MRAP: variants seen among roughly 807,000 people sequenced by gnomAD.
MRAP encodes the protein melanocortin 2 receptor accessory protein, also known as melanocortin-2 receptor accessory protein.
MRAP carries 8 observed loss-of-function variants against 8.7 expected under a neutral mutation model. That is an observed-to-expected ratio of 0.92 (90% CI 0.54 to 1.66). The LOEUF is 1.66. Ranked by LOEUF, MRAP falls within the 40% of genes most tolerant of loss-of-function variation. The pLI, the probability that MRAP is intolerant of heterozygous loss-of-function variation, is 0.00. For missense variants in MRAP, 237 were observed against 217.1 expected (o/e 1.09, Z -0.58); for synonymous variants, 95 against 95.5 (o/e 1.00, Z 0.03).
At chr21:32,297,123 C>G (rs936223295), upstream of MRAP, among the ~76,000 whole-genome samples, 9 of 152,182 alleles carry the variant, frequency 5.9e-5, no homozygotes, top group East Asian at 1.9e-4. Flanking sequence ...TAGCACAGAA[C>G]TCATAAAACT....
chr21:32,312,713 C>T (rs1465284809), downstream of MRAP: 2 of 154,520 alleles, frequency 1.3e-5, no homozygotes, highest in African/African-American at 4.8e-5. Context: ...AGATCTAGTC[C>T]TCTAGTGCCC....
upstream of MRAP, among the ~76,000 whole-genome samples, chr21:32,298,388 A>G (rs1331049991): frequency 6.6e-6 from 1 of 151,994 alleles, no homozygotes; most frequent in Admixed American, 6.6e-5. Flanking sequence ...TTTTGGTTTT[A>G]ATTAACTGGC....
chr21:32,305,113 T>C (rs757124230), intron 1 of MRAP, among the ~76,000 whole-genome samples: 3 of 151,906 alleles, frequency 2.0e-5, no homozygotes, highest in Admixed American at 2.0e-4. Flanking sequence ...GGTAGGACTA[T>C]GGGCATTACC....
chr21:32,304,789 G>A (rs1027700746), intron 1 of MRAP, among the ~76,000 whole-genome samples: 4 of 151,958 alleles, frequency 2.6e-5, no homozygotes, highest in African/African-American at 7.3e-5. Flanking sequence ...TTCTCAGCTC[G>A]GAGACAGACA....
upstream of MRAP, among the ~76,000 whole-genome samples, chr21:32,294,653 C>T (rs565052181): frequency 1.3e-3 from 195 of 152,172 alleles, 1 homozygote; most frequent in Non-Finnish European, 2.4e-3. Flanking sequence ...TATTCATTTT[C>T]TTAGTAATCA....
At chr21:32,300,831 C>T (rs1214702134) in intron 1 of MRAP, among the ~76,000 whole-genome samples, 5 of 144,840 alleles carry the variant, frequency 3.5e-5, no homozygotes, top group African/African-American at 7.7e-5. Flanking sequence ...TGTCCTATGT[C>T]GGATATGTCA....
intron 2 of MRAP, among the ~76,000 whole-genome samples, chr21:32,307,720 A>G (rs145184693): frequency 9.9e-5 from 15 of 151,952 alleles, no homozygotes; most frequent in Middle Eastern, 3.4e-3. Flanking sequence ...AAAAATAACA[A>G]AAAGTTAGCT....
rs189449511 is a variant in MRAP, at chr21:32,300,899, G to A, written c.106+1822G>A. Among the ~76,000 whole-genome samples the A allele has an allele frequency of 8.2e-3, 1,238 of 151,106 alleles. 16 individuals are homozygous for A. The highest frequency in any genetic ancestry group is 0.028 in the African/African-American group (1,169 of 41,062). ...TGTCGGGTGTCATGCATCCTATGTCGGGGCGTCATGTGTCTATGTGTCATG... is the reference window on the plus strand; with the variant it reads ...TGTCGGGTGTCATGCATCCTATGTCAGGGCGTCATGTGTCTATGTGTCATG... On this transcript the variant is annotated intron_variant, in intron 1 of 2. Transcript: ENST00000303645.
downstream of MRAP, chr21:32,314,373 T>TG: frequency 1.8e-6 from 1 of 558,026 alleles, no homozygotes; most frequent in East Asian, 3.5e-5. Context: ...TTAGTAGAGA[T>TG]GGGGTTTCAC....
At chr21:32,311,414 C>A (rs9976023) in intron 2 of MRAP, 2 of 262,548 alleles carry the variant, frequency 7.6e-6, no homozygotes, top group African/African-American at 2.2e-5. Flanking sequence ...CTCCACCCCC[C>A]ACCCCCCCCA....
upstream of MRAP, among the ~76,000 whole-genome samples, chr21:32,297,831 C>T (rs951266096): frequency 6.6e-6 from 1 of 152,296 alleles, no homozygotes; most frequent in African/African-American, 2.4e-5. Context: ...CTCATTCCTC[C>T]CCTTCTGGTC....
chr21:32,299,064 G>T lies in MRAP; in HGVS notation c.93G>T (p.Leu31=). 1 of 1,613,910 alleles carries T rather than the reference G, an allele frequency of 6.2e-7. No homozygotes were observed. Among genetic ancestry groups the T allele is most frequent in the African/African-American group, 1.3e-5 (1 of 75,060 alleles). ...TCATTCCCGTGGACGAGAAGAAGCTGAAAGCCCACAAACGTAAGTCTGAAC... is the reference window on the plus strand; with the variant it reads ...TCATTCCCGTGGACGAGAAGAAGCTTAAAGCCCACAAACGTAAGTCTGAAC... ...LDLIPVDEKK[L]KAHKHSIVIA... The change falls in exon 1 of 3, where the codon CTG becomes CTT. Residue 31 remains leucine (L), a synonymous_variant. Transcript: ENST00000303645.
At chr21:32,304,546 C>T (rs1178478242) in intron 1 of MRAP, among the ~76,000 whole-genome samples, 3 of 151,736 alleles carry the variant, frequency 2.0e-5, no homozygotes, top group Non-Finnish European at 2.9e-5. Context: ...ACCCGGCAGG[C>T]GGAGGTTGCA....
upstream of MRAP, among the ~76,000 whole-genome samples, chr21:32,294,965 A>G (rs569978389): frequency 1.3e-5 from 2 of 152,150 alleles, no homozygotes; most frequent in East Asian, 3.9e-4. Flanking sequence ...CATTTATGAT[A>G]GTATCAAAAA....
intron 2 of MRAP, among the ~76,000 whole-genome samples, chr21:32,310,580 A>G (rs988108544): frequency 1.3e-5 from 2 of 152,062 alleles, no homozygotes; most frequent in African/African-American, 4.8e-5. Flanking sequence ...CTCACTCCAG[A>G]TGGCCATGTC....
intron 2 of MRAP, chr21:32,310,936 T>C (rs1568801940): frequency 6.6e-6 from 1 of 152,192 alleles, no homozygotes; most frequent in Admixed American, 6.6e-5. Context: ...TGAACCTCCA[T>C]GCTTGGCACA....
intron 1 of MRAP, among the ~76,000 whole-genome samples, chr21:32,301,170 G>C (rs2123503338): frequency 6.6e-6 from 1 of 150,396 alleles, no homozygotes; most frequent in East Asian, 1.9e-4. Flanking sequence ...CACCGTGTTA[G>C]CCAGGATGGT....
chr21:32,306,727 C>T lies in MRAP; in HGVS notation c.194C>T (p.Ser65Phe), dbSNP rs2032428099. The T allele has an allele frequency of 1.2e-6, 2 of 1,614,080 alleles. No homozygotes were observed. The highest frequency in any genetic ancestry group is 1.3e-5 in the African/African-American group (1 of 75,044). Residue 65 changes from serine (S) to phenylalanine (F), a missense_variant, in exon 2 of 3, where the codon TCC (serine) becomes TTC (phenylalanine). Ser to Phe is a radical substitution (Grantham distance 155). Transcript: ENST00000303645. ...LILLYMSWSASPQMRNSPKHH... is the reference protein window; with the variant it reads ...LILLYMSWSAFPQMRNSPKHH... ...TTGCTCTACATGTCCTGGTCCGCCT[C>T]CCCGCAGATGAGGTGGGTAAGAAGG...
At chr21:32,314,732 G>A, downstream of MRAP, 1 of 1,500,640 alleles carries the variant, frequency 6.7e-7, no homozygotes. Flanking sequence ...ACAGGCCCGA[G>A]TTTATCATTT....
Sources: allele counts gnomAD v4.1 joint callset (sites outside exome capture counted in the v4.1 genomes callset), GRCh38; gene constraint gnomAD v4.1.1; transcripts MANE v1.5; gene names NCBI Gene and HGNC (gene_info 2026-07-23, HGNC 2026-07-21).